PTPRR: variants seen among roughly 807,000 people sequenced by gnomAD.
PTPRR encodes receptor-type tyrosine-protein phosphatase R.
In PTPRR, 38 loss-of-function variants were observed where a neutral mutation model predicts 77.2. The ratio of observed to expected loss-of-function variants is 0.49; its 90% CI spans 0.38 to 0.65. The LOEUF (loss-of-function observed/expected upper bound fraction) is 0.65. PTPRR is among the 30% of genes least tolerant of loss of function. The probability of loss-of-function intolerance (pLI) is 0.00; values close to 1 mark genes in which losing one functional copy is unlikely to be tolerated. For synonymous variants in PTPRR, 299 were observed against 283.1 expected (o/e 1.06, Z -0.57); for missense variants, 744 against 799.2 (o/e 0.93, Z 0.83).
intron 13 of PTPRR, among the ~76,000 whole-genome samples, chr12:70,653,473 G>A (rs1026084945): frequency 2.0e-5 from 3 of 152,094 alleles, no homozygotes; most frequent in Admixed American, 6.5e-5. Flanking sequence ...AAGCAGGATT[G>A]GGGGGTAAAG....
intron 6 of PTPRR, among the ~76,000 whole-genome samples, chr12:70,740,560 A>G (rs1890015075): frequency 1.3e-5 from 2 of 152,130 alleles, no homozygotes; most frequent in African/African-American, 4.8e-5. Context: ...TTTTTATAAG[A>G]TTCTTTAATC....
intron 3 of PTPRR, among the ~76,000 whole-genome samples, chr12:70,764,034 C>T (rs1459712491): frequency 6.9e-5 from 10 of 145,816 alleles, no homozygotes; most frequent in African/African-American, 2.1e-4. Flanking sequence ...TTTTACTTTA[C>T]CCACTCAGAT....
intron 6 of PTPRR, among the ~76,000 whole-genome samples, chr12:70,707,657 A>C (rs1888666721): frequency 6.6e-6 from 1 of 152,110 alleles, no homozygotes; most frequent in Non-Finnish European, 1.5e-5. Context: ...AAGTCTTAAA[A>C]ACTAACTCAA....
In PTPRR at chr12:70,875,802, A is replaced by C. The variant is rs1015163044; in HGVS notation, c.357+16877T>G. Among the ~76,000 whole-genome samples, 4 of 152,238 alleles carry C rather than the reference A, an allele frequency of 2.6e-5. No homozygotes were observed. The East Asian group carries it at 7.7e-4, about 29-fold the overall frequency. Reference sequence around the variant, plus strand: ...ATGGCAGACAAATGGATTATGTTCCAATAAACAAAGAGCAGCTACAAACTG... The same window carrying C: ...ATGGCAGACAAATGGATTATGTTCCCATAAACAAAGAGCAGCTACAAACTG... On this transcript the variant is annotated intron_variant, in intron 2 of 13. Transcript: ENST00000283228.
intron 2 of PTPRR, among the ~76,000 whole-genome samples, chr12:70,814,525 A>G (rs1364328748): frequency 6.6e-6 from 1 of 152,192 alleles, no homozygotes; most frequent in African/African-American, 2.4e-5. Context: ...AGTTGCCAAC[A>G]GGGAGGTCCC....
intron 1 of PTPRR, among the ~76,000 whole-genome samples, chr12:70,896,539 G>T (rs1039431591): frequency 1.3e-5 from 2 of 151,560 alleles, no homozygotes; most frequent in Admixed American, 1.3e-4. Context: ...TGACCATGAA[G>T]GAATTAAACT....
intron 1 of PTPRR, among the ~76,000 whole-genome samples, chr12:70,901,303 C>G (rs1330950610): frequency 6.6e-6 from 1 of 151,470 alleles, no homozygotes; most frequent in African/African-American, 2.4e-5. Context: ...TGCCTGCACT[C>G]CTACGTTCAC....
At chr12:70,819,607 G>A (rs78934326) in intron 2 of PTPRR, among the ~76,000 whole-genome samples, 11 of 152,142 alleles carry the variant, frequency 7.2e-5, no homozygotes, top group Non-Finnish European at 1.3e-4. Context: ...CTTTATTCAG[G>A]TGTTTTGGTC....
intron 6 of PTPRR, among the ~76,000 whole-genome samples, chr12:70,717,496 G>C (rs560956764): frequency 2.0e-5 from 3 of 152,238 alleles, no homozygotes; most frequent in African/African-American, 7.2e-5. Flanking sequence ...AGGATTACAA[G>C]GGATAGGGTC....
intron 7 of PTPRR, among the ~76,000 whole-genome samples, chr12:70,698,752 T>C (rs146286318): frequency 2.9e-4 from 44 of 152,308 alleles, no homozygotes; most frequent in African/African-American, 9.9e-4. Context: ...TAATAGATTA[T>C]CTTTTCACAC....
chr12:70,815,228 A>G (rs1891882401), intron 2 of PTPRR, among the ~76,000 whole-genome samples: 1 of 151,964 alleles, frequency 6.6e-6, no homozygotes, highest in African/African-American at 2.4e-5. Flanking sequence ...CTGATTAGAC[A>G]CTGGAGAAGA....
chr12:70,764,805 C>T (rs1206251062), intron 2 of PTPRR, 27 bp from the exon 3 acceptor site: 1 of 1,494,906 alleles, frequency 6.7e-7, no homozygotes. Context: ...AAAATAAATC[C>T]AAATTATAGT....
chr12:70,761,625 C>A lies in PTPRR; in HGVS notation c.473G>T (p.Gly158Val). The stretch of plus-strand genomic sequence containing the variant: ...AAACAGTTCAATACTGTTCTTCTTT[C>A]CCTAATAAAAGCAGAATATTTGTAT... ...PQQVHINRLIGKKNSIELFVS... is the reference protein window; with the variant it reads ...PQQVHINRLIVKKNSIELFVS... The change falls in exon 4 of 14, where the codon GGA becomes GTA. Residue 158 changes from glycine (G) to valine (V), a missense_variant and splice_region_variant. Physicochemically the swap from Gly to Val is moderately radical, Grantham distance 109. Around this residue, in one of 3 missense-constraint regions of PTPRR, gnomAD observed 570 missense variants for 573.2 expected, o/e 0.99. Coordinates refer to ENST00000283228, the MANE Select transcript of PTPRR (RefSeq NM_002849.4). 6.4e-7 allele frequency: 1 copy of A among 1,553,128 alleles called. No individual in the cohort carries two copies. The highest frequency in any genetic ancestry group is 8.7e-7 in the Non-Finnish European group (1 of 1,148,970).
chr12:70,805,974 C>CCAAAG (rs1891703382), intron 2 of PTPRR, among the ~76,000 whole-genome samples: 2 of 152,068 alleles, frequency 1.3e-5, no homozygotes, highest in African/African-American at 4.8e-5. Flanking sequence ...TATAATTGTG[C>CCAAAG]CAAAGCATAA....
chr12:70,903,635 A>G (rs866969827), intron 1 of PTPRR, among the ~76,000 whole-genome samples: 6 of 151,882 alleles, frequency 4.0e-5, no homozygotes, highest in African/African-American at 1.2e-4. Flanking sequence ...GAACTTTTAG[A>G]AGAAAACATA....
intron 6 of PTPRR, among the ~76,000 whole-genome samples, chr12:70,704,214 G>A (rs930949536): frequency 3.3e-5 from 5 of 152,034 alleles, no homozygotes; most frequent in Non-Finnish European, 4.4e-5. Context: ...TTGAGGCCAG[G>A]AGTTTGAGAC....
intron 2 of PTPRR, among the ~76,000 whole-genome samples, chr12:70,808,169 C>T (rs1008097773): frequency 6.6e-5 from 10 of 152,120 alleles, no homozygotes; most frequent in African/African-American, 2.4e-4. Context: ...TCTCCTGCAG[C>T]ACCCCCAGGC....
intron 2 of PTPRR, among the ~76,000 whole-genome samples, chr12:70,877,711 C>T (rs1293326359): frequency 2.0e-5 from 3 of 152,272 alleles, no homozygotes; most frequent in African/African-American, 7.2e-5. Context: ...CCCCATCAAG[C>T]TACCAATGAC....
At chr12:70,750,070 A>G (rs1046608547) in intron 5 of PTPRR, among the ~76,000 whole-genome samples, 5 of 152,134 alleles carry the variant, frequency 3.3e-5, no homozygotes, top group Admixed American at 6.6e-5. Flanking sequence ...CGCTCCACCC[A>G]CTGCACATTC....
Sources: allele counts gnomAD v4.1 joint callset (sites outside exome capture counted in the v4.1 genomes callset), GRCh38; gene constraint gnomAD v4.1.1; regional missense constraint gnomAD v4.1.1; transcripts MANE v1.5; gene names NCBI Gene and HGNC (gene_info 2026-07-23, HGNC 2026-07-21).